The following CLN6 variants were observed in gnomAD, a reference collection of about 807,000 sequenced individuals.
CLN6 encodes CLN6 transmembrane ER protein, also known as ceroid-lipofuscinosis neuronal protein 6.
In CLN6, 22 loss-of-function variants were observed where a neutral mutation model predicts 33.3. The ratio of observed to expected loss-of-function variants is 0.66; its 90% confidence interval spans 0.47 to 0.94. The LOEUF (loss-of-function observed/expected upper bound fraction) is 0.94, where lower values mean the gene tolerates loss of function less well. Ranked by LOEUF, CLN6 falls within the 40% of genes least tolerant of loss-of-function variation. CLN6 has a pLI of 0.00. For synonymous variants in CLN6, 201 were observed against 174.6 expected (o/e 1.15, Z -1.19); for missense variants, 387 against 417.1 (o/e 0.93, Z 0.63).
chr15:68,208,146 C>A lies in CLN6; in HGVS notation c.930G>T (p.Arg310=). ...AGAGCCTGGTGCCAGGGACTCAGTG[C>A]CGACTGCTGACGTGAAGGGTGTAGA... ...WAFYTLHVSS[R]H is the part of the protein sequence containing the mutation. Residue 310 remains arginine (R), a synonymous_variant, in exon 7 of 7, where the codon CGG becomes CGT. Transcript: ENST00000249806. This position sits in a 1 kb window ranked among gnomAD's most constrained non-coding sequence, Gnocchi z 5.8. The A allele has an allele frequency of 7.4e-7, 1 of 1,359,480 alleles. No individual in the cohort carries two copies. The highest frequency in any genetic ancestry group is 1.5e-5 in the African/African-American group (1 of 66,010). The allele number at this position is 1,359,480 out of a possible 1,614,324, so 84.2% of individuals were successfully genotyped here. A position where few individuals can be genotyped will look rare whatever the true frequency, so the allele number is the denominator to read the frequency against.
intron 2 of CLN6, chr15:68,218,133 C>A: frequency 4.3e-6 from 1 of 234,110 alleles, no homozygotes; most frequent in Non-Finnish European, 8.6e-6. Flanking sequence ...AAAAATAATA[C>A]TATCCCAAGG....
Position 68,209,797 on chromosome 15 carries a change from G to T in CLN6, c.543-38C>A, listed in dbSNP as rs1389134565. ...GGCCAGTGTCTTAGAGGCCTGCTCAGCGGCCCTCTTCCCCACAACCTCTGC... is the reference window on the plus strand; with the variant it reads ...GGCCAGTGTCTTAGAGGCCTGCTCATCGGCCCTCTTCCCCACAACCTCTGC... On this transcript the variant is annotated intron_variant, in intron 5 of 6. Transcript: ENST00000249806. The surrounding 1 kb of genome is among the most constrained non-coding windows in gnomAD (Gnocchi z 4.9). The T allele has an allele frequency of 3.1e-6, 5 of 1,610,368 alleles. No homozygotes were observed. The Admixed American group carries it at 8.3e-5, about 27-fold the overall frequency.
chr15:68,256,722 AG>A lies in CLN6; in HGVS notation c.146del (p.Thr49IlefsTer3). On this transcript the variant is annotated frameshift_variant, in exon 1 of 7. Coordinates refer to the CLN6 transcript ENST00000538696. This position sits in a 1 kb window ranked among gnomAD's most constrained non-coding sequence, Gnocchi z 4.1. ...CTTTGAATTTGAGTTTTCTCAGCGA[AG>A]TCTCACAGGACAATGGCGCCTGCGC... 1.5e-6 allele frequency: 1 copy of A among 681,822 alleles called. No homozygotes were observed. The highest frequency in any genetic ancestry group is 2.7e-6 in the Non-Finnish European group (1 of 375,872). The allele number at this position is 681,822 out of a possible 1,614,324, so 42.2% of individuals were successfully genotyped here.
In CLN6 at chr15:68,208,094, G is replaced by GCGCCC; in HGVS notation, c.*45_*46insGGGCG. 4.4e-6 allele frequency: 6 copies of GCGCCC among 1,375,270 alleles called. No homozygotes were observed. The highest frequency in any genetic ancestry group is 2.5e-5 in the East Asian group (1 of 39,906). The allele number at this position is 1,375,270 out of a possible 1,614,324, so 85.2% of individuals were successfully genotyped here. ...CTCCTGTATTCAGATGCCCTCCATG[G>GCGCCC]CCCACCCTCCCACCCAGCAGAGCGC... On this transcript the variant is annotated 3_prime_UTR_variant, in exon 7 of 7. Transcript: ENST00000249806. The surrounding 1 kb of genome is among the most constrained non-coding windows in gnomAD (Gnocchi z 5.8).
chr15:68,239,314 TA>T (rs998049031), intron 1 of CLN6, among the ~76,000 whole-genome samples: 33 of 146,462 alleles, frequency 2.3e-4, no homozygotes, highest in Non-Finnish European at 2.9e-4. Context: ...AGACCTAAAT[TA>T]AAAAAAAAAT....
At chr15:68,237,942 G>A (rs1892237808) in intron 1 of CLN6, among the ~76,000 whole-genome samples, 1 of 152,044 alleles carries the variant, frequency 6.6e-6, no homozygotes, top group African/African-American at 2.4e-5. Context: ...GGCCAATATG[G>A]TGAAACCCCG....
rs796052347 is a variant in CLN6 at position 68,229,589 on chromosome 15, G to A, written c.-5C>T. 2 of 1,460,798 alleles carry A rather than the reference G, an allele frequency of 1.4e-6. No homozygotes were observed. Among genetic ancestry groups the A allele is most frequent in the Non-Finnish European group, 1.8e-6 (2 of 1,110,288 alleles). 90.5% of individuals were successfully genotyped at this position (1,460,798 alleles called of 1,614,324 possible). On this transcript the variant is annotated 5_prime_UTR_variant, in exon 1 of 7. Transcript: ENST00000249806. ...CCGCCTCCGCGTCGCCTCCATGGCT[G>A]CCCCGCAGGCCCCTCGGCCCTGCCT... is the stretch of plus-strand genomic sequence containing the variant.
At chr15:68,240,712 G>A (rs910938512) in intron 1 of CLN6, among the ~76,000 whole-genome samples, 6 of 150,452 alleles carry the variant, frequency 4.0e-5, no homozygotes, top group African/African-American at 7.3e-5. Flanking sequence ...GGCCGGGTGC[G>A]GTGGCTCACG....
chr15:68,217,670 A>C (rs1020100826), intron 2 of CLN6, among the ~76,000 whole-genome samples: 4 of 152,180 alleles, frequency 2.6e-5, no homozygotes, highest in South Asian at 4.1e-4. Context: ...GTAAACTGAG[A>C]GTATAGGCCT....
chr15:68,249,796 C>T (rs762036305), intron 1 of CLN6, among the ~76,000 whole-genome samples: 10 of 152,122 alleles, frequency 6.6e-5, no homozygotes, highest in East Asian at 1.9e-4. Flanking sequence ...GTGTATGTGA[C>T]GGAGCCTCAC....
At chr15:68,240,769 AG>A (rs913176902) in intron 1 of CLN6, among the ~76,000 whole-genome samples, 1 of 151,822 alleles carries the variant, frequency 6.6e-6, no homozygotes, top group African/African-American at 2.4e-5. Context: ...GGATCACTTG[AG>A]GTTGGGAGTT....
chr15:68,230,678 C>T (rs762718642), upstream of CLN6, among the ~76,000 whole-genome samples: 23 of 152,158 alleles, frequency 1.5e-4, no homozygotes, highest in Non-Finnish European at 2.8e-4. The surrounding 1 kb of genome is among the most constrained non-coding windows in gnomAD (Gnocchi z 4.0). Context: ...GTTGTGATGA[C>T]TATATGAAAC....
intron 1 of CLN6, among the ~76,000 whole-genome samples, chr15:68,240,693 A>AT (rs1385012958): frequency 6.6e-6 from 1 of 151,214 alleles, no homozygotes; most frequent in East Asian, 1.9e-4. Flanking sequence ...TAAAAAAAAA[A>AT]GGGGACAGGG....
At chr15:68,214,431 C>A in intron 2 of CLN6, 43 bp from the exon 3 acceptor site, 3 of 1,502,188 alleles carry the variant, frequency 2.0e-6, no homozygotes, top group Non-Finnish European at 2.8e-6. Flanking sequence ...GGCACAGCCC[C>A]ACGCGGCCCT....
In CLN6 at chr15:68,247,305, G is replaced by A. The variant is rs1204650782; in HGVS notation, c.179+9385C>T. 6.6e-6 allele frequency among the ~76,000 whole-genome samples: 1 copy of A among 152,116 alleles called. No homozygotes were observed. The highest frequency in any genetic ancestry group is 1.5e-5 in the Non-Finnish European group (1 of 68,018). ...AAACTGTTAGAACTGATAAACAAAT[G>A]CAGTAAAGTCGCTGGATACAAAATC... On this transcript the variant is annotated intron_variant, in intron 1 of 6. Transcript: ENST00000538696. This position sits in a 1 kb window ranked among gnomAD's most constrained non-coding sequence, Gnocchi z 4.2.
At position 68,207,700 on chromosome 15, in the gene CLN6, C is replaced by T. The variant is rs1348662695; in HGVS notation, c.*440G>A. 3 of 283,478 alleles carry T rather than the reference C, an allele frequency of 1.1e-5. No homozygotes were observed. The highest frequency in any genetic ancestry group is 2.1e-5 in the Non-Finnish European group (3 of 145,838). The allele number at this position is 283,478 out of a possible 1,614,324, so 17.6% of individuals were successfully genotyped here. On this transcript the variant is annotated 3_prime_UTR_variant, in exon 7 of 7. Transcript: ENST00000249806. ...CTATGTAATGTAGGGTCAGGGTGGG[C>T]CTGAGGGATGAGCCAGGTGGTGGGC...
intron 1 of CLN6, among the ~76,000 whole-genome samples, chr15:68,252,216 C>T (rs1260091231): frequency 2.6e-5 from 4 of 152,102 alleles, no homozygotes; most frequent in Non-Finnish European, 5.9e-5. Context: ...TCAGGTTATC[C>T]ACCCATCTTG....
Position 68,210,116 on chromosome 15 carries a change from G to A in CLN6, c.543-357C>T, listed in dbSNP as rs147431487. 2.0e-4 allele frequency among the ~76,000 whole-genome samples: 31 copies of A among 152,124 alleles called. No homozygotes were observed. Among genetic ancestry groups the A allele is most frequent in the Non-Finnish European group, 3.8e-4 (26 of 67,992 alleles). On this transcript the variant is annotated intron_variant, in intron 5 of 6. Transcript: ENST00000249806. The surrounding 1 kb of genome is among the most constrained non-coding windows in gnomAD (Gnocchi z 5.6). ...TAGCCTGGAGACAGAGGCACCTCCC[G>A]GGCTGAGGATGGAGGTCCACATGTT...
chr15:68,220,651 C>A lies in CLN6; in HGVS notation c.84-2001G>T, dbSNP rs1467868933. On this transcript the variant is annotated intron_variant, in intron 1 of 6. Transcript: ENST00000249806. The surrounding 1 kb of genome is among the most constrained non-coding windows in gnomAD (Gnocchi z 4.2). ...GGGAAAGGGGGAGAAAAAGTGCTGA[C>A]AGTGTTCATGTTGCCAGTTCATGAT... is the stretch of plus-strand genomic sequence containing the variant. 6.6e-6 allele frequency among the ~76,000 whole-genome samples: 1 copy of A among 152,244 alleles called. No homozygotes were observed. Among genetic ancestry groups the A allele is most frequent in the Non-Finnish European group, 1.5e-5 (1 of 68,042 alleles).
Sources: gnomAD v4.1 joint callset for allele counts (sites outside exome capture counted in the v4.1 genomes callset) on GRCh38, gnomAD v4.1.1 for gene constraint, Gnocchi (gnomAD v3.1) non-coding constraint, MANE v1.5 for transcripts, NCBI Gene and HGNC (gene_info 2026-07-23, HGNC 2026-07-21) for gene names.